PARD3B: variants seen among roughly 807,000 people sequenced by gnomAD.
PARD3B encodes par-3 family cell polarity regulator beta.
PARD3B carries 103 observed loss-of-function variants against 130.2 expected under a neutral mutation model. The ratio of observed to expected loss-of-function variants is 0.79; its 90% CI spans 0.67 to 0.93. The LOEUF (loss-of-function observed/expected upper bound fraction) is 0.93. PARD3B is among the 40% of genes least tolerant of loss of function. The probability of loss-of-function intolerance (pLI) is 0.00; values close to 1 mark genes in which losing one functional copy is unlikely to be tolerated. For synonymous variants in PARD3B, 583 were observed against 553.2 expected (o/e 1.05, Z -0.76); for missense variants, 1,609 against 1,499.2 (o/e 1.07, Z -1.21).
intron 21 of PARD3B, among the ~76,000 whole-genome samples, chr2:205,541,198 A>G (rs2052111427): frequency 6.6e-6 from 1 of 152,150 alleles, no homozygotes; most frequent in Non-Finnish European, 1.5e-5. Flanking sequence ...GATTTAGAGT[A>G]GACTGCCATA....
At chr2:204,899,269 C>CCTTCCTTCCTGT (rs1159934494) in intron 2 of PARD3B, among the ~76,000 whole-genome samples, 5 of 124,838 alleles carry the variant, frequency 4.0e-5, no homozygotes, top group South Asian at 3.0e-4. Flanking sequence ...TTCCTTCCTT[C>CCTTCCTTCCTGT]CTTCCTTCCT....
intron 1 of PARD3B, among the ~76,000 whole-genome samples, chr2:204,551,645 A>G (rs1248406415): frequency 6.7e-6 from 1 of 149,650 alleles, no homozygotes; most frequent in Non-Finnish European, 1.5e-5. Context: ...TTGGCTGGTT[A>G]TCTGAGCTGA....
At chr2:205,178,142 C>CAAAAAAAAAAAAAAAAAA (rs1430577160) in intron 13 of PARD3B, among the ~76,000 whole-genome samples, 1 of 18,454 alleles carries the variant, frequency 5.4e-5, no homozygotes, top group African/African-American at 2.2e-4. Context: ...CCCATCTGTA[C>CAAAAAAAAAAAAAAAAAA]TAAAAAAAAA....
At chr2:205,338,169 A>C (rs954869398) in intron 18 of PARD3B, among the ~76,000 whole-genome samples, 2 of 151,314 alleles carry the variant, frequency 1.3e-5, no homozygotes, top group Non-Finnish European at 3.0e-5. Context: ...AAAAAAAAAA[A>C]AAAAAAAAAG....
intron 1 of PARD3B, 82 bp from the exon 2 acceptor site, chr2:204,686,099 T>A: frequency 2.1e-6 from 2 of 934,184 alleles, no homozygotes; most frequent in Middle Eastern, 2.2e-4. Context: ...TTTAACAAGT[T>A]AACTTATGTC....
Position 205,054,404 on chromosome 2 carries a change from T to TATATATATATATA in PARD3B, c.504+6714_504+6715insATATATATATATA, listed in dbSNP as rs1699451825. Among the ~76,000 whole-genome samples, 22 of 33,822 alleles carry TATATATATATATA rather than the reference T, an allele frequency of 6.5e-4. 3 individuals carry two copies. Among genetic ancestry groups the TATATATATATATA allele is most frequent in the Non-Finnish European group, 1.0e-3 (17 of 17,050 alleles). The allele number at this position is 33,822 out of a possible 152,430, so 22.2% of individuals were successfully genotyped here. Reference sequence around the variant, plus strand: ...TAACAAGGTAACCATGACATGTCTTTTATATATATATATATATATATATAT... The same window carrying TATATATATATATA: ...TAACAAGGTAACCATGACATGTCTTTATATATATATATATATATATATATATATATATATATAT... On this transcript the variant is annotated intron_variant, in intron 4 of 22. Coordinates refer to ENST00000406610, the MANE Select transcript of PARD3B (RefSeq NM_001302769.2).
intron 2 of PARD3B, among the ~76,000 whole-genome samples, chr2:204,935,022 C>A (rs1026520333): frequency 1.3e-5 from 2 of 152,052 alleles, no homozygotes; most frequent in African/African-American, 4.8e-5. Context: ...TTTAGAACAC[C>A]TTATTTGTTA....
At chr2:204,567,456 C>T (rs1038856160) in intron 1 of PARD3B, among the ~76,000 whole-genome samples, 1 of 152,172 alleles carries the variant, frequency 6.6e-6, no homozygotes, top group African/African-American at 2.4e-5. Flanking sequence ...GAAGTGGAAT[C>T]GTGCACTATC....
chr2:204,975,877 T>A (rs770386919), intron 3 of PARD3B, among the ~76,000 whole-genome samples: 3 of 152,242 alleles, frequency 2.0e-5, no homozygotes, highest in Non-Finnish European at 2.9e-5. Context: ...TTGAGAAGTT[T>A]GGAGAATGCA....
chr2:204,665,600 G>A (rs1344669927), intron 1 of PARD3B, among the ~76,000 whole-genome samples: 1 of 152,108 alleles, frequency 6.6e-6, no homozygotes, highest in Non-Finnish European at 1.5e-5. Context: ...CTGTGCCATT[G>A]GCCAATTTTG....
At chr2:205,381,013 G>A (rs2045393388) in intron 18 of PARD3B, among the ~76,000 whole-genome samples, 1 of 34,112 alleles carries the variant, frequency 2.9e-5, no homozygotes, top group African/African-American at 8.2e-5. Flanking sequence ...ATAATATAAA[G>A]AATATATATG....
At chr2:205,587,186 C>T (rs369538531) in intron 22 of PARD3B, among the ~76,000 whole-genome samples, 9 of 152,306 alleles carry the variant, frequency 5.9e-5, no homozygotes, top group South Asian at 2.1e-4. Flanking sequence ...AGAGCTAATG[C>T]GGTATTTGAA....
chr2:205,121,689 G>A lies in PARD3B; in HGVS notation c.905G>A (p.Gly302Asp). 6.2e-7 allele frequency: 1 copy of A among 1,614,118 alleles called. No homozygotes were observed. The highest frequency in any genetic ancestry group is 1.7e-5 in the Admixed American group (1 of 60,012). ...NREQYEKSVI[G>D]SLNIFGNNDG... is the part of the protein sequence containing the mutation. ...GAACAGTATGAAAAGTCAGTCATTG[G>A]CTCTCTTAACATTTTTGGTAATAAT... Residue 302 changes from glycine to aspartate, a missense_variant, in exon 8 of 23, where the codon GGC (glycine) becomes GAC (aspartate). Physicochemically the swap from Gly to Asp is moderately conservative, Grantham distance 94. Transcript: ENST00000406610. This position sits in a 1 kb window ranked among gnomAD's most constrained non-coding sequence, Gnocchi z 5.0.
rs73058174 is a variant in PARD3B, at chr2:205,508,023, G to A, written c.3180+7992G>A. Among the ~76,000 whole-genome samples, 1,017 of 152,242 alleles carry A rather than the reference G, an allele frequency of 6.7e-3. 13 individuals carry two copies. Among genetic ancestry groups the A allele is most frequent in the African/African-American group, 0.023 (935 of 41,536 alleles). ...CGGACCTAGCAATTCACCCCAGAAC[G>A]ATCTGAGTACAGATTGTCTCAGCAA... On this transcript the variant is annotated intron_variant, in intron 21 of 22. Transcript: ENST00000406610.
intron 14 of PARD3B, among the ~76,000 whole-genome samples, chr2:205,191,724 A>C (rs2036408313): frequency 6.6e-6 from 1 of 152,308 alleles, no homozygotes; most frequent in African/African-American, 2.4e-5. Context: ...TACTCATTTT[A>C]TACATAAGGA....
chr2:204,553,669 TATATATATATATA>T (rs2030682597), intron 1 of PARD3B, among the ~76,000 whole-genome samples: 2 of 68,918 alleles, frequency 2.9e-5, no homozygotes, highest in Non-Finnish European at 5.9e-5. Context: ...TATATATATA[TATATATATATATA>T]TATATATATA....
At chr2:204,711,096 A>G (rs773312673) in intron 2 of PARD3B, among the ~76,000 whole-genome samples, 9 of 152,174 alleles carry the variant, frequency 5.9e-5, no homozygotes, top group Non-Finnish European at 8.8e-5. Flanking sequence ...TAACCAGTTT[A>G]ATGTATTCAT....
intron 10 of PARD3B, among the ~76,000 whole-genome samples, chr2:205,144,435 T>A (rs1469477216): frequency 6.6e-6 from 1 of 152,178 alleles, no homozygotes; most frequent in Non-Finnish European, 1.5e-5. Context: ...TTCCTTCACT[T>A]TTCCTTATGA....
Position 205,352,340 on chromosome 2 carries a change from T to C in PARD3B, c.2631-48673T>C, listed in dbSNP as rs932189710. Among the ~76,000 whole-genome samples, 4 of 152,192 alleles carry C rather than the reference T, an allele frequency of 2.6e-5. No homozygotes were observed. The highest frequency in any genetic ancestry group is 1.5e-5 in the Non-Finnish European group (1 of 68,042). ...GGATATTTATTTCAGATTTTTGTGGTTTCTCATGTCGTGGATTACAGGGAC... is the reference window on the plus strand; with the variant it reads ...GGATATTTATTTCAGATTTTTGTGGCTTCTCATGTCGTGGATTACAGGGAC... On this transcript the variant is annotated intron_variant, in intron 18 of 22. Coordinates refer to ENST00000406610, the MANE Select transcript of PARD3B (RefSeq NM_001302769.2). This position sits in a 1 kb window ranked among gnomAD's most constrained non-coding sequence, Gnocchi z 5.2.
Sources: gnomAD v4.1 joint callset for allele counts (sites outside exome capture counted in the v4.1 genomes callset) on GRCh38, gnomAD v4.1.1 for gene constraint, Gnocchi (gnomAD v3.1) non-coding constraint, MANE v1.5 for transcripts, NCBI Gene and HGNC (gene_info 2026-07-23, HGNC 2026-07-21) for gene names.